The following PCDHA9 variants were observed in gnomAD, a reference collection of about 807,000 sequenced individuals.
PCDHA9 encodes the protein protocadherin alpha-9.
PCDHA9 carries 62 observed loss-of-function variants against 62.0 expected under a neutral mutation model. The observed-to-expected ratio is 1.00, with a 90% CI of 0.81 to 1.23. PCDHA9 has a LOEUF of 1.23. Among genes scored for constraint, PCDHA9 ranks in the 50% most tolerant of loss-of-function variants. The pLI is 0.00. For missense variants in PCDHA9, 1,205 were observed against 1,249.8 expected, an observed-to-expected ratio of 0.96 and a Z score of 0.54; for synonymous variants, 557 against 567.6, an observed-to-expected ratio of 0.98 and a Z score of 0.27.
intron 1 of PCDHA9, among the ~76,000 whole-genome samples, chr5:140,907,765 T>C (rs901037519): frequency 8.5e-5 from 13 of 152,144 alleles, no homozygotes; most frequent in African/African-American, 3.1e-4. Flanking sequence ...GCCCATTGGG[T>C]GATGACAGGG....
intron 1 of PCDHA9, among the ~76,000 whole-genome samples, chr5:140,872,927 T>A (rs1020178513): frequency 3.9e-5 from 6 of 152,216 alleles, no homozygotes; most frequent in African/African-American, 1.4e-4. Flanking sequence ...TTATCTCTAA[T>A]GTTTTTGAAA....
At chr5:140,920,910 A>C (rs2153559145) in intron 1 of PCDHA9, among the ~76,000 whole-genome samples, 1 of 151,920 alleles carries the variant, frequency 6.6e-6, no homozygotes, top group East Asian at 1.9e-4. Context: ...TTCTCAAATC[A>C]GTTCCAAGAG....
intron 3 of PCDHA9, among the ~76,000 whole-genome samples, chr5:141,002,815 T>G (rs1554258803): frequency 6.6e-6 from 1 of 152,176 alleles, no homozygotes; most frequent in African/African-American, 2.4e-5. Flanking sequence ...GGCTCAGAGA[T>G]ATTTATGTAA....
intron 1 of PCDHA9, chr5:140,870,382 C>G (rs782627889): frequency 7.4e-6 from 12 of 1,614,062 alleles, no homozygotes; most frequent in Non-Finnish European, 1.0e-5. Context: ...GGTGACTGCG[C>G]GGGATGGGGG....
intron 1 of PCDHA9, chr5:140,866,744 A>G (rs980107592): frequency 1.3e-5 from 2 of 152,180 alleles, no homozygotes; most frequent in African/African-American, 2.4e-5. Flanking sequence ...TAATACTTAT[A>G]TGACTAACAG....
At chr5:140,967,425 C>T in intron 1 of PCDHA9, 1 of 1,613,294 alleles carries the variant, frequency 6.2e-7, no homozygotes, top group Non-Finnish European at 8.5e-7. Flanking sequence ...CGGGAGCAGG[C>T]AGCCTTGCAC....
intron 1 of PCDHA9, chr5:140,869,082 T>A: frequency 6.3e-7 from 1 of 1,582,446 alleles, no homozygotes; most frequent in South Asian, 1.2e-5. Context: ...GAAGCTTATT[T>A]TGGAAGCCAA....
intron 1 of PCDHA9, chr5:140,928,813 C>T: frequency 6.2e-7 from 1 of 1,614,118 alleles, no homozygotes; most frequent in Non-Finnish European, 8.5e-7. Flanking sequence ...GGTTCGGGAC[C>T]ATGGAGACCC....
intron 1 of PCDHA9, among the ~76,000 whole-genome samples, chr5:140,937,239 G>C (rs1331547271): frequency 2.0e-5 from 3 of 151,804 alleles, no homozygotes; most frequent in African/African-American, 7.3e-5. Context: ...GGGTTTCACC[G>C]TGTTAGCCAG....
rs782141581 is a variant in PCDHA9 at position 140,857,357 on chromosome 5, A to G, written c.2394+6468A>G. On this transcript the variant is annotated intron_variant, in intron 1 of 3. Coordinates refer to ENST00000532602, the MANE Select transcript of PCDHA9 (RefSeq NM_031857.2). ...CGGGGGCTCGCCTCCGCTGTGGGCC[A>G]CGGCCAGCGTGTCTGTGGAGGTGGC... 29 of 1,598,430 alleles carry G rather than the reference A, an allele frequency of 1.8e-5. 3 individuals are homozygous for G. Among genetic ancestry groups the G allele is most frequent in the Non-Finnish European group, 2.5e-5 (29 of 1,167,908 alleles).
chr5:140,977,364 A>G (rs967972541), intron 1 of PCDHA9, among the ~76,000 whole-genome samples: 2 of 152,206 alleles, frequency 1.3e-5, no homozygotes, highest in African/African-American at 4.8e-5. Flanking sequence ...GATAAAAAGT[A>G]TTTTAGTCAT....
At chr5:140,975,765 CAG>C (rs1179625862) in intron 1 of PCDHA9, among the ~76,000 whole-genome samples, 1 of 152,220 alleles carries the variant, frequency 6.6e-6, no homozygotes, top group Non-Finnish European at 1.5e-5. Flanking sequence ...TCATAAATCA[CAG>C]ATAATACCAT....
At chr5:140,867,018 T>C (rs1445969805) in intron 1 of PCDHA9, 1 of 152,176 alleles carries the variant, frequency 6.6e-6, no homozygotes, top group Non-Finnish European at 1.5e-5. Context: ...TCATACACTA[T>C]ATCAAACTCT....
rs1344673921 is a variant in PCDHA9, at chr5:140,850,796, C to T, written c.2301C>T (p.Thr767=). 7 of 1,598,190 alleles carry T rather than the reference C, an allele frequency of 4.4e-6. No homozygotes were observed. Among genetic ancestry groups the T allele is most frequent in the African/African-American group, 1.3e-5 (1 of 74,278 alleles). ...GCTCTGGCGAGGGTAAGCAGAAGAC[C>T]GACCTCATGGCCTTCAGCCCGGGCC... The part of the protein sequence containing the change: ...RVCSGEGKQK[T]DLMAFSPGLS... Residue 767 remains threonine (T), a synonymous_variant, in exon 1 of 4, where the codon ACC becomes ACT. Transcript: ENST00000532602.
At chr5:140,896,710 T>C (rs1231459059) in intron 1 of PCDHA9, among the ~76,000 whole-genome samples, 2 of 152,160 alleles carry the variant, frequency 1.3e-5, no homozygotes, top group Non-Finnish European at 2.9e-5. Flanking sequence ...TGTTTGTTTT[T>C]TGCTTGTTAA....
chr5:140,946,631 T>TATATACACAC (rs57893927), intron 1 of PCDHA9, among the ~76,000 whole-genome samples: 7 of 131,846 alleles, frequency 5.3e-5, no homozygotes, highest in Non-Finnish European at 1.1e-4. Context: ...TATATATATA[T>TATATACACAC]ACAATGGAAT....
At chr5:140,961,888 T>C (rs1361187779) in intron 1 of PCDHA9, among the ~76,000 whole-genome samples, 8 of 124,918 alleles carry the variant, frequency 6.4e-5, no homozygotes, top group Non-Finnish European at 9.4e-5. Context: ...CTTACATCAG[T>C]TTTTTTTTTT....
At chr5:140,901,644 G>A (rs1223864756) in intron 1 of PCDHA9, among the ~76,000 whole-genome samples, 1 of 152,024 alleles carries the variant, frequency 6.6e-6, no homozygotes, top group Non-Finnish European at 1.5e-5. Context: ...GATTCTTCCG[G>A]TTTTGTTCTT....
At position 140,869,660 on chromosome 5, in the gene PCDHA9, G is replaced by T. The variant is rs782182212; in HGVS notation, c.2394+18771G>T. On this transcript the variant is annotated intron_variant, in intron 1 of 3. Coordinates refer to ENST00000532602, the MANE Select transcript of PCDHA9 (RefSeq NM_031857.2). ...TTTTCTTTAGATTCACCAACAAATG[G>T]TAAGCAGATTAAAAGACTGTCACTT... is the stretch of plus-strand genomic sequence containing the variant. 7 of 1,613,392 alleles carry T rather than the reference G, an allele frequency of 4.3e-6. No individual in the cohort carries two copies. The Admixed American group carries it at 1.2e-4, about 27-fold the overall frequency.
Sources: allele counts gnomAD v4.1 joint callset (sites outside exome capture counted in the v4.1 genomes callset), GRCh38; gene constraint gnomAD v4.1.1; transcripts MANE v1.5; gene names NCBI Gene and HGNC (gene_info 2026-07-23, HGNC 2026-07-21).